GNL3L: variants seen among roughly 807,000 people sequenced by gnomAD.
The protein encoded by GNL3L is G protein nucleolar 3 like, also known as guanine nucleotide-binding protein-like 3-like protein.
A neutral mutation model predicts 42.9 loss-of-function variants in GNL3L; 4 were observed. That is an observed-to-expected ratio of 0.09 (90% CI 0.05 to 0.21). The LOEUF is 0.21. Ranked by LOEUF, GNL3L falls within the 10% of genes least tolerant of loss-of-function variation. The pLI, the probability that GNL3L is intolerant of heterozygous loss-of-function variation, is 1.00. For missense variants in GNL3L, 412 were observed against 481.7 expected, an observed-to-expected ratio of 0.86 and a Z score of 1.36; for synonymous variants, 159 against 176.3, an observed-to-expected ratio of 0.90 and a Z score of 0.78.
At chrX:54,585,019 G>A (rs1925765446) in intron 16 of GNL3L, among the ~76,000 whole-genome samples, 1 of 111,919 alleles carries the variant, frequency 8.9e-6, no homozygotes, top group Non-Finnish European at 1.9e-5. Context: ...CCTGACCTCA[G>A]GTGATCCACC....
chrX:54,546,646 T>A lies in GNL3L; in HGVS notation c.631-1583T>A, dbSNP rs750794068. On this transcript the variant is annotated intron_variant, in intron 8 of 15. Transcript: ENST00000360845. ...ACATTTTCTTGGCCTTTTTAAAATT[T>A]AAATTTAAATTTTTGTTGAGATGGA... is the stretch of plus-strand genomic sequence containing the variant. Among the ~76,000 whole-genome samples, 5 of 111,983 alleles carry A rather than the reference T, an allele frequency of 4.5e-5. No individual in the cohort carries two copies. In the South Asian group the frequency reaches 1.1e-3, roughly 25 times the overall value.
chrX:54,633,367 G>C, the GNL3L span, among the ~76,000 whole-genome samples: 4 of 111,630 alleles, frequency 3.6e-5, no homozygotes, highest in Admixed American at 9.5e-5. Flanking sequence ...TTTCAAGAGA[G>C]CATCAGCTGT....
chrX:54,552,240 C>T (rs1457083311), intron 12 of GNL3L, 52 bp from the exon 13 acceptor site: 3 of 1,165,586 alleles, frequency 2.6e-6, no homozygotes, highest in Non-Finnish European at 3.5e-6. Flanking sequence ...CTTGGATTGT[C>T]ATTGGTTCTC....
At chrX:54,567,994 A>G (rs1186718215), downstream of GNL3L, among the ~76,000 whole-genome samples, 3 of 94,282 alleles carry the variant, frequency 3.2e-5, no homozygotes, top group African/African-American at 4.2e-5. Context: ...TGTGAGACGG[A>G]GTCTCACTCT....
intron 16 of GNL3L, among the ~76,000 whole-genome samples, chrX:54,573,253 G>A (rs1181569679): frequency 5.3e-5 from 6 of 112,797 alleles, no homozygotes; most frequent in South Asian, 3.6e-4. Context: ...CAGCCTGGGC[G>A]CCATTGAGCA....
chrX:54,565,953 TG>T lies in GNL3L; in HGVS notation c.*5353del, dbSNP rs1452153845. Among the ~76,000 whole-genome samples the T allele has an allele frequency of 9.3e-6, 1 of 107,810 alleles. No individual in the cohort carries two copies. The highest frequency in any genetic ancestry group is 1.9e-5 in the Non-Finnish European group (1 of 52,320). The allele number at this position is 107,810 out of a possible 115,157, so 93.6% of individuals were successfully genotyped here. A position where few individuals can be genotyped will look rare whatever the true frequency, so the allele number is the denominator to read the frequency against. On this transcript the variant is annotated 3_prime_UTR_variant, in exon 16 of 16. Coordinates refer to ENST00000360845, the MANE Select transcript of GNL3L (RefSeq NM_001184819.2). ...CTCATGCCTCAGCCTCCTGAGTAGCTGGAATTACAGGCGCAGGCCACCATGC... is the reference window on the plus strand; with the variant it reads ...CTCATGCCTCAGCCTCCTGAGTAGCTGAATTACAGGCGCAGGCCACCATGC...
At chrX:54,622,816 C>T (rs1039182450), downstream of GNL3L, among the ~76,000 whole-genome samples, 1 of 110,552 alleles carries the variant, frequency 9.0e-6, no homozygotes, top group Non-Finnish European at 1.9e-5. Flanking sequence ...GAAGATTTAC[C>T]CATATATATT....
intron 14 of GNL3L, among the ~76,000 whole-genome samples, chrX:54,555,827 T>C (rs1452017059): frequency 9.2e-6 from 1 of 108,159 alleles, no homozygotes; most frequent in African/African-American, 3.4e-5. Flanking sequence ...TCACCTCCCC[T>C]GCTTAAACTG....
At chrX:54,605,777 G>C (rs1254675518) in intron 16 of GNL3L, among the ~76,000 whole-genome samples, 1 of 110,993 alleles carries the variant, frequency 9.0e-6, no homozygotes, top group African/African-American at 3.3e-5. Context: ...TAACTGCAAT[G>C]CCTCCTCTGC....
At chrX:54,600,518 G>A (rs764414046) in intron 16 of GNL3L, among the ~76,000 whole-genome samples, 7 of 110,141 alleles carry the variant, frequency 6.4e-5, no homozygotes, top group Non-Finnish European at 1.1e-4. Context: ...GAGCCACTGC[G>A]CCTGGCCCCA....
chrX:54,642,304 A>G, the GNL3L span, among the ~76,000 whole-genome samples: 3 of 111,609 alleles, frequency 2.7e-5, no homozygotes, highest in African/African-American at 9.8e-5. Flanking sequence ...AAAAGCATTA[A>G]TATGTTATTT....
At position 54,560,737 on chromosome X, in the gene GNL3L, C is replaced by A; in HGVS notation, c.*135C>A. ...TTTCCCCACTGTGTGTCTTCTCCCC[C>A]TCCTCCAGTAAAAACAGTCCCGGCT... On this transcript the variant is annotated 3_prime_UTR_variant, in exon 16 of 16. Coordinates refer to ENST00000360845, the MANE Select transcript of GNL3L (RefSeq NM_001184819.2). 2.1e-6 allele frequency: 1 copy of A among 487,475 alleles called. No homozygotes were observed. The highest frequency in any genetic ancestry group is 3.1e-5 in the South Asian group (1 of 31,834). The allele number at this position is 487,475 out of a possible 1,213,427, so 40.2% of individuals were successfully genotyped here.
chrX:54,620,590 A>C (rs1013969121), intron 16 of GNL3L, among the ~76,000 whole-genome samples: 1 of 112,206 alleles, frequency 8.9e-6, no homozygotes, highest in Non-Finnish European at 1.9e-5. Flanking sequence ...ACAGTGCTGC[A>C]ACAGACATGG....
chrX:54,607,008 CTTT>C (rs1926075220), intron 16 of GNL3L, among the ~76,000 whole-genome samples: 13 of 37,422 alleles, frequency 3.5e-4, no homozygotes, highest in South Asian at 1.4e-3. Flanking sequence ...TTCTTTCTTT[CTTT>C]CTTTCTTTCT....
intron 5 of GNL3L, among the ~76,000 whole-genome samples, chrX:54,542,527 T>C (rs899752497): frequency 9.0e-6 from 1 of 111,430 alleles, no homozygotes; most frequent in Non-Finnish European, 1.9e-5. Flanking sequence ...TTCCAAGTCT[T>C]TGCTATTGTG....
At chrX:54,628,212 GGTGT>G in the GNL3L span, among the ~76,000 whole-genome samples, 2,790 of 95,719 alleles carry the variant, frequency 0.029, 33 homozygotes, top group Middle Eastern at 0.079. Context: ...AGTATTCCGT[GGTGT>G]GTGTGTGTGT....
intron 16 of GNL3L, among the ~76,000 whole-genome samples, chrX:54,586,417 AG>A (rs1052264886): frequency 4.5e-5 from 5 of 111,702 alleles, no homozygotes; most frequent in African/African-American, 1.6e-4. Flanking sequence ...TAGCATTTTA[AG>A]AGCCCAGCCC....
chrX:54,640,130 T>A, the GNL3L span, among the ~76,000 whole-genome samples: 1 of 111,602 alleles, frequency 9.0e-6, no homozygotes, highest in Non-Finnish European at 1.9e-5. Context: ...CTGTTTCCTC[T>A]TCTGCCCTGA....
In GNL3L at chrX:54,561,586, C is replaced by T. The variant is rs776462321; in HGVS notation, c.*984C>T. Reference sequence around the variant, plus strand: ...GTAGGGAGGCTTTAGGGGGAAGCCCCGTCTTGGGGGCATTTCTGGGCAGAT... The same window carrying T: ...GTAGGGAGGCTTTAGGGGGAAGCCCTGTCTTGGGGGCATTTCTGGGCAGAT... On this transcript the variant is annotated 3_prime_UTR_variant, in exon 16 of 16. Coordinates refer to ENST00000360845, the MANE Select transcript of GNL3L (RefSeq NM_001184819.2). Among the ~76,000 whole-genome samples, 51 of 111,871 alleles carry T rather than the reference C, an allele frequency of 4.6e-4. No homozygotes were observed. Among genetic ancestry groups the T allele is most frequent in the African/African-American group, 1.4e-3 (43 of 30,823 alleles).
Sources: gnomAD v4.1 joint callset for allele counts (sites outside exome capture counted in the v4.1 genomes callset) on GRCh38, gnomAD v4.1.1 for gene constraint, MANE v1.5 for transcripts, NCBI Gene and HGNC (gene_info 2026-07-23, HGNC 2026-07-21) for gene names.